The following KCNG2 variants were observed in gnomAD, a reference collection of about 807,000 sequenced individuals.
KCNG2 encodes potassium voltage-gated channel modifier subfamily G member 2.
KCNG2 carries 7 observed loss-of-function variants against 12.3 expected under a neutral mutation model. The ratio of observed to expected loss-of-function variants is 0.57; its 90% confidence interval spans 0.32 to 1.07. The LOEUF is 1.07. KCNG2 is among the 50% of genes least tolerant of loss of function. The pLI, the probability that KCNG2 is intolerant of heterozygous loss-of-function variation, is 0.04. For missense variants in KCNG2, 703 were observed against 726.0 expected (o/e 0.97, Z 0.36); for synonymous variants, 414 against 351.4 (o/e 1.18, Z -1.99).
intron 1 of KCNG2, among the ~76,000 whole-genome samples, chr18:79,799,687 T>C (rs1014223137): frequency 2.0e-5 from 3 of 152,220 alleles, no homozygotes; most frequent in African/African-American, 7.2e-5. Context: ...TTGGTGTTTT[T>C]GTAGGCATGA....
chr18:79,872,280 GTTTTTTTTT>G (rs1162742507), intron 3 of KCNG2, among the ~76,000 whole-genome samples: 2 of 73,410 alleles, frequency 2.7e-5, no homozygotes, highest in African/African-American at 5.2e-5. Context: ...CAAAGCTTCA[GTTTTTTTTT>G]TTTTTTTTTT....
intron 1 of KCNG2, among the ~76,000 whole-genome samples, chr18:79,847,720 C>T (rs1024728918): frequency 6.6e-6 from 1 of 152,120 alleles, no homozygotes; most frequent in Non-Finnish European, 1.5e-5. Context: ...TGCAGCTTTT[C>T]CCGGTGACAC....
rs1253404840 is a variant in KCNG2, at chr18:79,829,907, G to A, written c.-114-26472G>A. Among the ~76,000 whole-genome samples the A allele has an allele frequency of 3.3e-5, 5 of 152,220 alleles. No homozygotes were observed. The South Asian group carries it at 6.2e-4, about 19-fold the overall frequency. ...AAGGCAGAGAGGAGATAAGAAAAAG[G>A]TACCAATTCTGCGAAGCTATTATGT... On this transcript the variant is annotated intron_variant, in intron 1 of 3. Transcript: ENST00000316249.
intron 3 of KCNG2, among the ~76,000 whole-genome samples, chr18:79,885,799 G>T (rs1980504413): frequency 6.6e-6 from 1 of 151,882 alleles, no homozygotes; most frequent in Non-Finnish European, 1.5e-5. Context: ...AGGGAGATGG[G>T]GATGGGAACA....
intron 3 of KCNG2, among the ~76,000 whole-genome samples, chr18:79,880,237 A>G (rs1218886289): frequency 2.7e-5 from 4 of 148,154 alleles, no homozygotes; most frequent in Non-Finnish European, 5.9e-5. Context: ...GGATAGTTAC[A>G]TGGGTTGGTT....
At chr18:79,807,889 A>G (rs1414724215) in intron 1 of KCNG2, among the ~76,000 whole-genome samples, 1 of 104,522 alleles carries the variant, frequency 9.6e-6, no homozygotes, top group Non-Finnish European at 1.9e-5. Flanking sequence ...CCGCGCTCTG[A>G]GGAGCTGCCG....
At chr18:79,825,429 G>A (rs1438911347) in intron 1 of KCNG2, among the ~76,000 whole-genome samples, 2 of 152,210 alleles carry the variant, frequency 1.3e-5, no homozygotes, top group African/African-American at 4.8e-5. Context: ...GTCAGTTTAC[G>A]AAGAATGCGC....
chr18:79,855,257 A>C (rs1978969989), intron 1 of KCNG2, among the ~76,000 whole-genome samples: 1 of 151,960 alleles, frequency 6.6e-6, no homozygotes, highest in East Asian at 1.9e-4. Flanking sequence ...TTGAACTGAG[A>C]GTGCCTCTGG....
At chr18:79,827,642 G>A (rs1390176219) in intron 1 of KCNG2, among the ~76,000 whole-genome samples, 1 of 152,110 alleles carries the variant, frequency 6.6e-6, no homozygotes, top group African/African-American at 2.4e-5. Flanking sequence ...GGAGAAGAGC[G>A]GGGACTCAGC....
At position 79,800,101 on chromosome 18, in the gene KCNG2, G is replaced by C. The variant is rs1478074384; in HGVS notation, c.-115+2087G>C. ...ACCTGGAGGGCAGCGCGAACGGAGG[G>C]CTGTTTGTCGTGGGAGGCGCGTCTC... is the stretch of plus-strand genomic sequence containing the variant. On this transcript the variant is annotated intron_variant, in intron 1 of 3. Transcript: ENST00000316249. The surrounding 1 kb of genome is among the most constrained non-coding windows in gnomAD (Gnocchi z 4.0). Among the ~76,000 whole-genome samples, 1 of 152,178 alleles carries C rather than the reference G, an allele frequency of 6.6e-6. No individual in the cohort carries two copies. Among genetic ancestry groups the C allele is most frequent in the Non-Finnish European group, 1.5e-5 (1 of 68,036 alleles).
intron 1 of KCNG2, among the ~76,000 whole-genome samples, chr18:79,798,381 C>G (rs1356770427): frequency 1.3e-5 from 2 of 152,084 alleles, no homozygotes; most frequent in South Asian, 4.1e-4. Flanking sequence ...GCTGGTCCTG[C>G]GGGAGCCCGG....
intron 3 of KCNG2, among the ~76,000 whole-genome samples, chr18:79,880,405 CAA>C (rs966324664): frequency 2.6e-5 from 4 of 151,318 alleles, no homozygotes. Context: ...AAAATTCACT[CAA>C]GAAGAAATAA....
intron 1 of KCNG2, among the ~76,000 whole-genome samples, chr18:79,823,336 T>A (rs921686615): frequency 3.9e-5 from 6 of 152,166 alleles, no homozygotes; most frequent in Non-Finnish European, 7.3e-5. Context: ...GACCTTTTCA[T>A]CTCTGCAGGG....
intron 1 of KCNG2, among the ~76,000 whole-genome samples, 31 bp downstream of exon 1, chr18:79,798,045 T>G (rs1039110471): frequency 1.1e-3 from 65 of 57,754 alleles, no homozygotes; most frequent in South Asian, 2.7e-3. Context: ...GGGCCGGGGG[T>G]GGGGGGTCCG....
intron 1 of KCNG2, among the ~76,000 whole-genome samples, chr18:79,815,829 C>T (rs1204903638): frequency 3.9e-5 from 6 of 152,348 alleles, no homozygotes; most frequent in African/African-American, 1.4e-4. Flanking sequence ...CCCCGCTGGC[C>T]TGTGTGCCCC....
intron 3 of KCNG2, among the ~76,000 whole-genome samples, chr18:79,897,583 C>T (rs1249411752): frequency 1.3e-5 from 2 of 152,198 alleles, no homozygotes; most frequent in African/African-American, 4.8e-5. Flanking sequence ...TTGCTTTCTT[C>T]CTAATGTATG....
At chr18:79,855,023 G>T (rs76847455) in intron 1 of KCNG2, among the ~76,000 whole-genome samples, 1,748 of 152,102 alleles carry the variant, frequency 0.011, 6 homozygotes, top group Non-Finnish European at 0.016. Context: ...TTCTCTGGGG[G>T]TTTTTTTGTT....
At chr18:79,848,300 C>T (rs1172882784) in intron 1 of KCNG2, among the ~76,000 whole-genome samples, 1 of 152,206 alleles carries the variant, frequency 6.6e-6, no homozygotes. Context: ...AGCTGCGCAG[C>T]CTAAAACACC....
intron 1 of KCNG2, chr18:79,816,381 C>CCCCCT (rs555914513): frequency 3.9e-5 from 6 of 152,372 alleles, no homozygotes; most frequent in Non-Finnish European, 5.9e-5. Flanking sequence ...CTGCCCATCT[C>CCCCCT]CCCCTCCCCT....
Sources: allele counts gnomAD v4.1 joint callset (sites outside exome capture counted in the v4.1 genomes callset), GRCh38; gene constraint gnomAD v4.1.1; non-coding constraint Gnocchi (gnomAD v3.1); transcripts MANE v1.5; gene names NCBI Gene and HGNC (gene_info 2026-07-23, HGNC 2026-07-21).